The following FCHSD2 variants were observed in gnomAD, a reference collection of about 807,000 sequenced individuals.
The protein encoded by FCHSD2 is FCH and double SH3 domains 2, also known as F-BAR and double SH3 domains protein 2.
In FCHSD2, 38 loss-of-function variants were observed where a neutral mutation model predicts 108.1. That is an observed-to-expected ratio of 0.35 (90% CI 0.27 to 0.46). The LOEUF (loss-of-function observed/expected upper bound fraction) is 0.46, where lower values mean the gene tolerates loss of function less well. Ranked by LOEUF, FCHSD2 falls within the 20% of genes least tolerant of loss-of-function variation. FCHSD2 has a pLI of 1.00. For synonymous variants in FCHSD2, 279 were observed against 314.7 expected (o/e 0.89, Z 1.20); for missense variants, 751 against 897.8 (o/e 0.84, Z 2.09).
At chr11:73,039,593 T>C (rs1236067784) in intron 3 of FCHSD2, among the ~76,000 whole-genome samples, 3 of 151,938 alleles carry the variant, frequency 2.0e-5, no homozygotes, top group Non-Finnish European at 4.4e-5. Flanking sequence ...TTTAAAAATG[T>C]GTAAGTATGT....
chr11:72,997,074 C>A (rs555520894), intron 5 of FCHSD2, among the ~76,000 whole-genome samples: 2 of 152,254 alleles, frequency 1.3e-5, no homozygotes, highest in Admixed American at 6.5e-5. Flanking sequence ...GTCCAAAAAT[C>A]TGTATGCAAT....
intron 3 of FCHSD2, among the ~76,000 whole-genome samples, chr11:73,040,123 T>C (rs1372435347): frequency 6.6e-6 from 1 of 152,194 alleles, no homozygotes; most frequent in African/African-American, 2.4e-5. Context: ...AACCAGATAA[T>C]GTTACACAAA....
At chr11:72,965,784 A>G (rs184077037) in intron 8 of FCHSD2, among the ~76,000 whole-genome samples, 12 of 152,330 alleles carry the variant, frequency 7.9e-5, no homozygotes, top group Non-Finnish European at 1.3e-4. Context: ...GTTCTTAAGT[A>G]TATAAATAGA....
chr11:73,116,365 C>G (rs772682250), intron 2 of FCHSD2, among the ~76,000 whole-genome samples: 27 of 152,216 alleles, frequency 1.8e-4, no homozygotes, highest in Non-Finnish European at 3.7e-4. Context: ...CTTGTACTGT[C>G]CTGTTAGATT....
chr11:72,893,156 T>C (rs1855352031), intron 10 of FCHSD2, among the ~76,000 whole-genome samples: 2 of 151,852 alleles, frequency 1.3e-5, no homozygotes, highest in African/African-American at 4.8e-5. Flanking sequence ...TGTACCACCA[T>C]GCCCAGTTAA....
chr11:72,853,468 G>A (rs1341293828), intron 13 of FCHSD2, among the ~76,000 whole-genome samples: 1 of 152,096 alleles, frequency 6.6e-6, no homozygotes, highest in Non-Finnish European at 1.5e-5. Context: ...AGGCTGGAGT[G>A]TAGTGGCGCA....
intron 4 of FCHSD2, among the ~76,000 whole-genome samples, chr11:73,012,597 T>A (rs1416072234): frequency 6.6e-6 from 1 of 152,162 alleles, no homozygotes; most frequent in Non-Finnish European, 1.5e-5. Context: ...ACAAAAACAC[T>A]GGCAATTGTT....
intron 10 of FCHSD2, among the ~76,000 whole-genome samples, chr11:72,896,741 T>C (rs1297566706): frequency 7.3e-6 from 1 of 136,866 alleles, no homozygotes; most frequent in Non-Finnish European, 1.5e-5. Flanking sequence ...TGGTATTTCC[T>C]GTAGCAATTA....
chr11:72,982,175 C>A (rs1176994092), intron 8 of FCHSD2, among the ~76,000 whole-genome samples: 3 of 152,118 alleles, frequency 2.0e-5, no homozygotes, highest in Non-Finnish European at 2.9e-5. Context: ...AAAGAAAAAA[C>A]GTTTTTGCAA....
rs75373975 is a variant in FCHSD2 at position 72,957,624 on chromosome 11, T to G, written c.705+26464A>C. ...ATATTTTTGGAACATCTCGTAAAAA[T>G]GTGTATTGGGTCTGTGGTTTGGATG... On this transcript the variant is annotated intron_variant, in intron 8 of 19. Coordinates refer to ENST00000409418, the MANE Select transcript of FCHSD2 (RefSeq NM_014824.3). Among the ~76,000 whole-genome samples, 33 of 151,404 alleles carry G rather than the reference T, an allele frequency of 2.2e-4. 1 individual carries two copies. In the East Asian group the frequency reaches 6.0e-3, roughly 28 times the overall value.
rs375284836 is a variant in FCHSD2, at chr11:73,107,222, G to T, written c.120-23482C>A. Among the ~76,000 whole-genome samples the T allele has an allele frequency of 2.8e-3, 432 of 152,054 alleles. 3 individuals carry two copies. The highest frequency in any genetic ancestry group is 1.0e-2 in the African/African-American group (413 of 41,504). ...GGCATGCGCCACCATACCCAGCTAA[G>T]TTTTGTATTTTTAGTAGAGACAGGG... On this transcript the variant is annotated intron_variant, in intron 2 of 19. Coordinates refer to ENST00000409418, the MANE Select transcript of FCHSD2 (RefSeq NM_014824.3).
At chr11:73,128,868 T>C (rs2135568790) in intron 2 of FCHSD2, among the ~76,000 whole-genome samples, 1 of 152,296 alleles carries the variant, frequency 6.6e-6, no homozygotes, top group East Asian at 1.9e-4. Flanking sequence ...CTATAATTTC[T>C]TTTTATTTTT....
intron 3 of FCHSD2, among the ~76,000 whole-genome samples, chr11:73,023,912 C>T (rs1172575602): frequency 2.0e-5 from 3 of 152,126 alleles, no homozygotes; most frequent in African/African-American, 7.2e-5. Flanking sequence ...AAAAAGGTTA[C>T]ACACTGTATT....
intron 4 of FCHSD2, among the ~76,000 whole-genome samples, chr11:73,013,848 A>G (rs1206935742): frequency 2.0e-5 from 3 of 152,168 alleles, no homozygotes; most frequent in Admixed American, 2.0e-4. Context: ...CCTGGCCTCA[A>G]GCAATCCTCC....
rs1457434595 is a variant in FCHSD2, at chr11:72,843,134, C to T, written c.1705+17G>A. 2.5e-6 allele frequency: 4 copies of T among 1,613,030 alleles called. No individual in the cohort carries two copies. In the African/African-American group the frequency reaches 5.3e-5, roughly 22 times the overall value. Reference sequence around the variant, plus strand: ...TCAAACGTGACCAAATAAAGAGTGCCTTGTTTCAGTCTTTACCACTGGCAT... The same window carrying T: ...TCAAACGTGACCAAATAAAGAGTGCTTTGTTTCAGTCTTTACCACTGGCAT... On this transcript the variant is annotated intron_variant, in intron 16 of 19. Coordinates refer to ENST00000409418, the MANE Select transcript of FCHSD2 (RefSeq NM_014824.3).
chr11:72,927,269 T>C (rs909979242), intron 8 of FCHSD2, among the ~76,000 whole-genome samples: 2 of 152,214 alleles, frequency 1.3e-5, no homozygotes, highest in Non-Finnish European at 2.9e-5. Flanking sequence ...GCACAGATTG[T>C]TTCAGGGCAG....
chr11:72,906,474 G>A (rs1041840327), intron 9 of FCHSD2, among the ~76,000 whole-genome samples: 23 of 152,178 alleles, frequency 1.5e-4, no homozygotes, highest in Admixed American at 7.2e-4. Context: ...CATTGCTTTC[G>A]GTGTTTTAGT....
intron 8 of FCHSD2, among the ~76,000 whole-genome samples, chr11:72,945,910 G>A (rs1591423778): frequency 6.6e-6 from 1 of 152,178 alleles, no homozygotes; most frequent in South Asian, 2.1e-4. Context: ...GTGCTGGAGG[G>A]GATGTGGAGA....
chr11:72,891,070 C>A (rs1386086750), intron 10 of FCHSD2, among the ~76,000 whole-genome samples: 1 of 152,082 alleles, frequency 6.6e-6, no homozygotes, highest in Middle Eastern at 3.2e-3. Context: ...GTGTGTGTCA[C>A]CATACTCAGC....
Sources: allele counts gnomAD v4.1 joint callset (sites outside exome capture counted in the v4.1 genomes callset), GRCh38; gene constraint gnomAD v4.1.1; transcripts MANE v1.5; gene names NCBI Gene and HGNC (gene_info 2026-07-23, HGNC 2026-07-21).